ARHGEF3: variants seen among roughly 807,000 people sequenced by gnomAD.
The protein encoded by ARHGEF3 is 59.8 kDA protein.
ARHGEF3 carries 28 observed loss-of-function variants against 63.2 expected under a neutral mutation model. That is an observed-to-expected ratio of 0.44 (90% CI 0.33 to 0.61). The LOEUF (loss-of-function observed/expected upper bound fraction) is 0.61, where lower values mean the gene tolerates loss of function less well. ARHGEF3 is among the 20% of genes least tolerant of loss of function. ARHGEF3 has a pLI of 0.03. For synonymous variants in ARHGEF3, 266 were observed against 254.2 expected (o/e 1.05, Z -0.44); for missense variants, 533 against 659.3 (o/e 0.81, Z 2.10).
At chr3:56,991,738 C>G (rs151174654) in intron 2 of ARHGEF3, among the ~76,000 whole-genome samples, 1 of 152,234 alleles carries the variant, frequency 6.6e-6, no homozygotes, top group Non-Finnish European at 1.5e-5. Flanking sequence ...CCTCCGCCTC[C>G]CGAGTAGCTG....
At chr3:57,026,364 G>A (rs940143580) in intron 2 of ARHGEF3, among the ~76,000 whole-genome samples, 8 of 152,172 alleles carry the variant, frequency 5.3e-5, no homozygotes, top group South Asian at 2.1e-4. Context: ...TCACACCACT[G>A]CACTCCAGCC....
At chr3:56,990,776 T>C (rs1478486503) in intron 2 of ARHGEF3, among the ~76,000 whole-genome samples, 1 of 152,216 alleles carries the variant, frequency 6.6e-6, no homozygotes, top group African/African-American at 2.4e-5. Flanking sequence ...GCCAGTAACT[T>C]GCTAAGGGTC....
chr3:56,886,728 T>C (rs1560022203), intron 3 of ARHGEF3, among the ~76,000 whole-genome samples: 1 of 152,194 alleles, frequency 6.6e-6, no homozygotes, highest in Non-Finnish European at 1.5e-5. Context: ...CTTATATGCA[T>C]GATCTCATTT....
At chr3:56,982,582 T>C (rs571097263) in intron 2 of ARHGEF3, among the ~76,000 whole-genome samples, 1 of 152,300 alleles carries the variant, frequency 6.6e-6, no homozygotes. Flanking sequence ...TACTTACTGT[T>C]TCTTGAATCC....
intron 4 of ARHGEF3, among the ~76,000 whole-genome samples, chr3:56,848,346 A>G (rs899941234): frequency 6.6e-5 from 10 of 152,034 alleles, no homozygotes; most frequent in Admixed American, 3.3e-4. Context: ...TGGGGAATCA[A>G]CTCTAGGCTA....
intron 2 of ARHGEF3, among the ~76,000 whole-genome samples, chr3:56,968,224 A>T (rs9682724): frequency 0.019 from 300 of 15,816 alleles, 16 homozygotes; most frequent in Middle Eastern, 0.062. Flanking sequence ...ATTATATATA[A>T]TATATATATA....
intron 2 of ARHGEF3, chr3:57,007,355 T>C: frequency 3.1e-6 from 4 of 1,289,780 alleles, no homozygotes; most frequent in Non-Finnish European, 2.0e-6. Context: ...AAGACAGCCA[T>C]GAAACAGTCA....
At position 57,062,031 on chromosome 3, in the gene ARHGEF3, A is replaced by C. The variant is rs551117471; in HGVS notation, c.-28+17195T>G. On this transcript the variant is annotated intron_variant, in intron 1 of 12. Coordinates refer to the ARHGEF3 transcript ENST00000338458. The stretch of plus-strand genomic sequence containing the variant: ...TCCACATCTTTCCTTGCTCTGGACT[A>C]AGGATCAAGTAAAAAAAGAGAGTGG... Among the ~76,000 whole-genome samples the C allele has an allele frequency of 6.6e-4, 100 of 152,250 alleles. 2 individuals carry two copies. Among genetic ancestry groups the C allele is most frequent in the Admixed American group, 2.0e-4 (3 of 15,286 alleles).
intron 3 of ARHGEF3, among the ~76,000 whole-genome samples, chr3:56,908,404 G>A (rs892712296): frequency 2.0e-5 from 3 of 152,160 alleles, no homozygotes; most frequent in East Asian, 3.8e-4. Context: ...CTCCGCGTCC[G>A]TATACACAGC....
chr3:56,970,010 G>C (rs1031842688), intron 2 of ARHGEF3, among the ~76,000 whole-genome samples: 1 of 152,140 alleles, frequency 6.6e-6, no homozygotes, highest in South Asian at 2.1e-4. Flanking sequence ...GAGTCAGAAA[G>C]TAGATTAGCT....
intron 2 of ARHGEF3, among the ~76,000 whole-genome samples, chr3:56,968,157 TATATATTATATAATATATATAAAA>T (rs1700696590): frequency 1.8e-3 from 51 of 28,650 alleles, no homozygotes; most frequent in South Asian, 4.9e-3. Context: ...TATATAAAAA[TATATATTATATAATATATATAAAA>T]ATATATATTA....
rs145897277 is a variant in ARHGEF3, at chr3:56,907,965, T to C, written c.130-25611A>G. ...AAATAATCGATACAACAAACCCCCA[T>C]GACAGAAGGTTACCTATAAAACAAA... On this transcript the variant is annotated intron_variant, in intron 3 of 12. Transcript: ENST00000338458. 2.6e-3 allele frequency among the ~76,000 whole-genome samples: 394 copies of C among 152,278 alleles called. 1 individual carries two copies. The highest frequency in any genetic ancestry group is 9.1e-3 in the African/African-American group (378 of 41,558).
upstream of ARHGEF3, among the ~76,000 whole-genome samples, chr3:56,802,307 T>TGGAGGCA (rs2037701055): frequency 6.6e-6 from 1 of 152,224 alleles, no homozygotes; most frequent in African/African-American, 2.4e-5. Context: ...TAGTGACACC[T>TGGAGGCA]GGAGGCAGGA....
At chr3:56,787,429 G>A (rs1476239421) in intron 1 of ARHGEF3, among the ~76,000 whole-genome samples, 7 of 152,116 alleles carry the variant, frequency 4.6e-5, no homozygotes. Flanking sequence ...CCTGACGCAG[G>A]TGTGACTCTT....
At chr3:56,817,861 A>C (rs1559965493) in intron 4 of ARHGEF3, among the ~76,000 whole-genome samples, 1 of 152,214 alleles carries the variant, frequency 6.6e-6, no homozygotes, top group East Asian at 1.9e-4. Context: ...CCGTACCCAC[A>C]GGGCAATCAT....
intron 2 of ARHGEF3, among the ~76,000 whole-genome samples, chr3:56,993,124 C>T (rs1454752727): frequency 2.0e-5 from 3 of 152,226 alleles, no homozygotes; most frequent in South Asian, 2.1e-4. Context: ...TGTGAGCTAC[C>T]GCGCCTGGCC....
chr3:56,985,380 C>T (rs115017043), intron 2 of ARHGEF3, among the ~76,000 whole-genome samples: 2,194 of 152,354 alleles, frequency 0.014, 53 homozygotes, highest in African/African-American at 0.049. Flanking sequence ...TGAGCCACCG[C>T]GCCCAGCCTT....
chr3:57,005,637 G>A (rs1463029665), intron 2 of ARHGEF3, among the ~76,000 whole-genome samples: 1 of 152,180 alleles, frequency 6.6e-6, no homozygotes, highest in Admixed American at 6.5e-5. Flanking sequence ...TGCCATCTCT[G>A]TCTATAGACC....
chr3:56,744,400 T>C lies in ARHGEF3; in HGVS notation c.870+805A>G, dbSNP rs2034247156. The stretch of plus-strand genomic sequence containing the variant: ...ACCCAGCCCACACTCAATAAACCTT[T>C]TTTTTTTTTTTTTTGAGACAAGAGT... On this transcript the variant is annotated intron_variant, in intron 7 of 9. Transcript: ENST00000296315. Among the ~76,000 whole-genome samples the C allele has an allele frequency of 2.1e-5, 3 of 144,410 alleles. No homozygotes were observed. The South Asian group carries it at 7.2e-4, about 35-fold the overall frequency. 94.7% of individuals were successfully genotyped at this position (144,410 alleles called of 152,430 possible).
Sources: gnomAD v4.1 joint callset for allele counts (sites outside exome capture counted in the v4.1 genomes callset) on GRCh38, gnomAD v4.1.1 for gene constraint, MANE v1.5 for transcripts, NCBI Gene and HGNC (gene_info 2026-07-23, HGNC 2026-07-21) for gene names.